The following LRRC3B variants were observed in gnomAD, a reference collection of about 807,000 sequenced individuals.
LRRC3B encodes the protein leucine-rich repeat-containing protein 3B.
In LRRC3B, 2 loss-of-function variants were observed where a neutral mutation model predicts 12.8. The observed-to-expected ratio is 0.16, with a 90% confidence interval of 0.06 to 0.49. The LOEUF (loss-of-function observed/expected upper bound fraction) is 0.49. Ranked by LOEUF, LRRC3B falls within the 20% of genes least tolerant of loss-of-function variation. LRRC3B has a pLI of 0.96. For missense variants in LRRC3B, 189 were observed against 319.4 expected (o/e 0.59, Z 3.11); for synonymous variants, 132 against 122.0 (o/e 1.08, Z -0.54).
At chr3:26,685,752 T>C (rs1335993024) in intron 1 of LRRC3B, among the ~76,000 whole-genome samples, 1 of 151,960 alleles carries the variant, frequency 6.6e-6, no homozygotes, top group Admixed American at 6.6e-5. Context: ...CTTAGTTTCA[T>C]GAATCTCTAT....
rs191229831 is a variant in LRRC3B, at chr3:26,707,971, G to T, written c.-160-1542G>T. Among the ~76,000 whole-genome samples the T allele has an allele frequency of 1.9e-4, 29 of 152,228 alleles. 1 individual carries two copies. Among genetic ancestry groups the T allele is most frequent in the Admixed American group, 3.3e-4 (5 of 15,290 alleles). On this transcript the variant is annotated intron_variant, in intron 1 of 1. Coordinates refer to ENST00000396641, the Ensembl canonical transcript of LRRC3B. ...ACTCGACTCAGTTTTCCAAAAGCACGTCTGCTCCATTCTGCTGTTGCTAAT... is the reference window on the plus strand; with the variant it reads ...ACTCGACTCAGTTTTCCAAAAGCACTTCTGCTCCATTCTGCTGTTGCTAAT...
intron 1 of LRRC3B, among the ~76,000 whole-genome samples, chr3:26,651,070 GT>G (rs1286287269): frequency 9.2e-5 from 14 of 152,186 alleles, no homozygotes; most frequent in Admixed American, 5.2e-4. Flanking sequence ...AGATCATTTT[GT>G]TTGGTGAGCG....
intron 1 of LRRC3B, among the ~76,000 whole-genome samples, chr3:26,665,685 G>T (rs183162827): frequency 3.6e-4 from 55 of 152,226 alleles, no homozygotes; most frequent in Non-Finnish European, 5.0e-4. Context: ...GATTTACCAG[G>T]CATTATTTGA....
At chr3:26,706,653 C>G (rs577277188) in intron 1 of LRRC3B, among the ~76,000 whole-genome samples, 2 of 152,272 alleles carry the variant, frequency 1.3e-5, no homozygotes, top group South Asian at 4.1e-4. Flanking sequence ...GTGTCCTAAA[C>G]ATTTCTTATA....
chr3:26,700,459 G>A (rs1195634653), intron 1 of LRRC3B, among the ~76,000 whole-genome samples: 8 of 152,152 alleles, frequency 5.3e-5, no homozygotes, highest in Non-Finnish European at 1.2e-4. Context: ...TGGCTTTGAG[G>A]AGTCTCCATT....
intron 1 of LRRC3B, among the ~76,000 whole-genome samples, chr3:26,695,945 C>CCAAGAACA (rs1427843293): frequency 2.6e-5 from 4 of 152,110 alleles, no homozygotes; most frequent in Non-Finnish European, 4.4e-5. Context: ...AACTTTGATG[C>CCAAGAACA]CAAGAACACA....
rs188432267 is a variant in LRRC3B at position 26,658,202 on chromosome 3, G to A, written c.-161+34965G>A. Among the ~76,000 whole-genome samples the A allele has an allele frequency of 5.3e-3, 802 of 152,092 alleles. 4 individuals carry two copies. The highest frequency in any genetic ancestry group is 6.8e-3 in the Non-Finnish European group (463 of 67,974). ...CGCCATTCTCCTGCCTCAGTCTCCC[G>A]AGTAGCCACCACGCCCAGCTAATTT... is the stretch of plus-strand genomic sequence containing the variant. On this transcript the variant is annotated intron_variant, in intron 1 of 1. Transcript: ENST00000396641.
intron 1 of LRRC3B, among the ~76,000 whole-genome samples, chr3:26,653,056 T>C: frequency 6.7e-6 from 1 of 149,020 alleles, no homozygotes; most frequent in Non-Finnish European, 1.5e-5. Context: ...GATTCATACT[T>C]AAGGAGAAGG....
intron 1 of LRRC3B, among the ~76,000 whole-genome samples, chr3:26,705,295 A>G (rs73150444): frequency 7.9e-4 from 120 of 152,136 alleles, no homozygotes; most frequent in African/African-American, 2.7e-3. Context: ...GAGTCTGGAT[A>G]AAGTAATTCT....
chr3:26,683,279 G>T (rs896862229), intron 1 of LRRC3B, among the ~76,000 whole-genome samples: 3 of 152,154 alleles, frequency 2.0e-5, no homozygotes, highest in African/African-American at 7.2e-5. Context: ...CTACATTATA[G>T]GACCACTTTA....
intron 1 of LRRC3B, among the ~76,000 whole-genome samples, chr3:26,650,740 G>C (rs531129629): frequency 1.3e-4 from 20 of 152,088 alleles, no homozygotes; most frequent in Non-Finnish European, 2.2e-4. Context: ...GTTATTATTA[G>C]TTAGTAAACA....
chr3:26,664,208 C>A (rs1005484513), intron 1 of LRRC3B, among the ~76,000 whole-genome samples: 1 of 152,188 alleles, frequency 6.6e-6, no homozygotes, highest in South Asian at 2.1e-4. Context: ...TGCTGGAATA[C>A]TTCATTCACT....
At chr3:26,665,212 C>G (rs927367798) in intron 1 of LRRC3B, among the ~76,000 whole-genome samples, 1 of 152,102 alleles carries the variant, frequency 6.6e-6, no homozygotes, top group African/African-American at 2.4e-5. Flanking sequence ...CCAGGAGGAT[C>G]TGAACTACCC....
At chr3:26,703,122 C>G (rs1700498519) in intron 1 of LRRC3B, among the ~76,000 whole-genome samples, 1 of 152,084 alleles carries the variant, frequency 6.6e-6, no homozygotes. Flanking sequence ...CTTGAATTAG[C>G]CCTGTCCCAA....
At chr3:26,702,408 A>T (rs973784614) in intron 1 of LRRC3B, among the ~76,000 whole-genome samples, 9 of 152,310 alleles carry the variant, frequency 5.9e-5, no homozygotes, top group African/African-American at 2.2e-4. Flanking sequence ...TAAATGGCTC[A>T]TGGGCCAGAA....
At chr3:26,689,884 C>A (rs1459447165) in intron 1 of LRRC3B, among the ~76,000 whole-genome samples, 1 of 152,198 alleles carries the variant, frequency 6.6e-6, no homozygotes, top group Admixed American at 6.5e-5. Context: ...TCTGTCCAGT[C>A]CTCCCATCTG....
intron 1 of LRRC3B, among the ~76,000 whole-genome samples, chr3:26,688,992 G>A (rs775394081): frequency 1.3e-5 from 2 of 152,094 alleles, no homozygotes; most frequent in South Asian, 2.1e-4. Flanking sequence ...AGCTTTTAAC[G>A]TCACCAAGGC....
intron 1 of LRRC3B, among the ~76,000 whole-genome samples, chr3:26,702,881 A>G (rs934371091): frequency 3.3e-5 from 5 of 152,272 alleles, no homozygotes; most frequent in African/African-American, 1.2e-4. Context: ...GGTGGTCTAC[A>G]GTGGAGGCGG....
At chr3:26,674,618 T>A (rs985462157) in intron 1 of LRRC3B, among the ~76,000 whole-genome samples, 9 of 152,224 alleles carry the variant, frequency 5.9e-5, no homozygotes, top group Admixed American at 2.0e-4. Context: ...TTCTGTCTTA[T>A]GCCTAGCACC....
Sources: gnomAD v4.1 joint callset for allele counts (sites outside exome capture counted in the v4.1 genomes callset) on GRCh38, gnomAD v4.1.1 for gene constraint, MANE v1.5 for transcripts, NCBI Gene and HGNC (gene_info 2026-07-23, HGNC 2026-07-21) for gene names.